The following C1QTNF1 variants were observed in gnomAD, a reference collection of about 807,000 sequenced individuals.
C1QTNF1 encodes C1q and TNF related 1.
In C1QTNF1, 22 loss-of-function variants were observed where a neutral mutation model predicts 27.8. The observed-to-expected ratio is 0.79, with a 90% confidence interval of 0.56 to 1.13. The LOEUF (loss-of-function observed/expected upper bound fraction) is 1.13. Among genes scored for constraint, C1QTNF1 ranks in the 50% most tolerant of loss-of-function variants. The probability of loss-of-function intolerance (pLI) is 0.00; values close to 1 mark genes in which losing one functional copy is unlikely to be tolerated. For missense variants in C1QTNF1, 373 were observed against 380.2 expected (o/e 0.98, Z 0.16); for synonymous variants, 166 against 154.3 (o/e 1.08, Z -0.56).
Position 79,047,649 on chromosome 17 carries a change from C to T in C1QTNF1, c.407C>T (p.Ala136Val). Residue 136 changes from alanine to valine, a missense_variant, in exon 4 of 4, where the codon GCC becomes GTC. Physicochemically the swap from Ala to Val is moderately conservative, Grantham distance 64. Transcript: ENST00000579760. ...GPKGQKGSMG[A>V]PGERCKSHYA... is the part of the protein sequence containing the mutation. ...AAAGGGCAGAAGGGCTCCATGGGGG[C>T]CCCTGGGGAGCGGTGCAAGAGCCAC... 6.2e-7 allele frequency: 1 copy of T among 1,608,958 alleles called. No individual in the cohort carries two copies. The highest frequency in any genetic ancestry group is 1.1e-5 in the South Asian group (1 of 90,632).
Position 79,037,185 on chromosome 17 carries a change from A to G in C1QTNF1, c.-14-6770A>G, listed in dbSNP as rs923923620. ...TCGCTCTGTCGCCAGGCTGGAGTGCAGTGGCATGATCTCGGCTTAGCACAA... is the reference window on the plus strand; with the variant it reads ...TCGCTCTGTCGCCAGGCTGGAGTGCGGTGGCATGATCTCGGCTTAGCACAA... On this transcript the variant is annotated intron_variant, in intron 1 of 3. Transcript: ENST00000579760. Among the ~76,000 whole-genome samples the G allele has an allele frequency of 7.9e-5, 12 of 152,252 alleles. 1 individual carries two copies. Among genetic ancestry groups the G allele is most frequent in the Admixed American group, 7.8e-4 (12 of 15,290 alleles).
chr17:79,030,483 C>T (rs866648198), intron 1 of C1QTNF1, among the ~76,000 whole-genome samples: 808 of 67,712 alleles, frequency 0.012, 8 homozygotes, highest in African/African-American at 0.024. Flanking sequence ...TTCTTTCTTT[C>T]TTTTTCTTTC....
intron 1 of C1QTNF1, among the ~76,000 whole-genome samples, chr17:79,030,461 TTC>T (rs2072096971): frequency 8.5e-6 from 1 of 117,454 alleles, no homozygotes; most frequent in South Asian, 2.8e-4. Context: ...TTTCTTTCTT[TTC>T]TTTCTTTCTT....
At position 79,046,874 on chromosome 17, in the gene C1QTNF1, T is replaced by A; in HGVS notation, c.295+180T>A. ...GCACAGGAAATTCTGATTTTGAGGC[T>A]CTGGCCCCTCTCCAAGAGGAGGGGT... On this transcript the variant is annotated intron_variant, in intron 3 of 3. Coordinates refer to ENST00000579760, the MANE Select transcript of C1QTNF1 (RefSeq NM_030968.5). This position sits in a 1 kb window ranked among gnomAD's most constrained non-coding sequence, Gnocchi z 4.8. 1.3e-6 allele frequency: 1 copy of A among 794,972 alleles called. No individual in the cohort carries two copies. Among genetic ancestry groups the A allele is most frequent in the South Asian group, 2.0e-5 (1 of 50,946 alleles). The allele number at this position is 794,972 out of a possible 1,614,324, so 49.2% of individuals were successfully genotyped here.
At chr17:79,027,082 G>T (rs561520263) in intron 1 of C1QTNF1, among the ~76,000 whole-genome samples, 5 of 60,048 alleles carry the variant, frequency 8.3e-5, no homozygotes, top group South Asian at 6.3e-4. Flanking sequence ...GTTCCTGGGC[G>T]GGGGGGGGCT....
chr17:79,038,959 G>C (rs1159413458), intron 1 of C1QTNF1, among the ~76,000 whole-genome samples: 6 of 152,162 alleles, frequency 3.9e-5, no homozygotes, highest in Admixed American at 3.9e-4. Flanking sequence ...GCAGGCTTTT[G>C]AGGAGAGCCA....
intron 1 of C1QTNF1, among the ~76,000 whole-genome samples, chr17:79,029,232 A>ACGGT: frequency 6.6e-6 from 1 of 152,180 alleles, no homozygotes; most frequent in Non-Finnish European, 1.5e-5. Context: ...GTGGGCGGGA[A>ACGGT]CGGTCGCTGC....
At chr17:79,035,681 T>C (rs1267040992) in intron 1 of C1QTNF1, among the ~76,000 whole-genome samples, 1 of 152,202 alleles carries the variant, frequency 6.6e-6, no homozygotes, top group East Asian at 1.9e-4. Flanking sequence ...TCTGCCCACC[T>C]CAGCCTCCCA....
rs746591312 is a variant in C1QTNF1 at position 79,044,071 on chromosome 17, C to G, written c.103C>G (p.Gln35Glu). ...TGTGCCCCATGTCCAGGGGGAACAG[C>G]AGGAGTGGGAGGGGACTGAGGAGCT... ...SRVPHVQGEQ[Q>E]EWEGTEELPS... The change falls in exon 2 of 4, where the codon CAG becomes GAG. Residue 35 changes from glutamine to glutamate, a missense_variant. Gln to Glu is a conservative substitution (Grantham distance 29). Coordinates refer to ENST00000579760, the MANE Select transcript of C1QTNF1 (RefSeq NM_030968.5). The G allele has an allele frequency of 1.9e-6, 3 of 1,613,838 alleles. No individual in the cohort carries two copies. Among genetic ancestry groups the G allele is most frequent in the Non-Finnish European group, 2.5e-6 (3 of 1,179,868 alleles).
intron 2 of C1QTNF1, among the ~76,000 whole-genome samples, chr17:79,045,855 G>C (rs190713840): frequency 4.9e-4 from 74 of 152,242 alleles, no homozygotes; most frequent in African/African-American, 1.7e-3. Context: ...TGGGCTTATG[G>C]GTAGCTGAAC....
intron 2 of C1QTNF1, among the ~76,000 whole-genome samples, chr17:79,044,774 C>T (rs1029591153): frequency 5.9e-5 from 9 of 152,214 alleles, no homozygotes; most frequent in African/African-American, 1.9e-4. Flanking sequence ...GGAGACCCGG[C>T]GACAGCTCAA....
At chr17:79,025,405 C>G (rs772185459) in intron 1 of C1QTNF1, among the ~76,000 whole-genome samples, 6 of 152,158 alleles carry the variant, frequency 3.9e-5, no homozygotes, top group East Asian at 1.9e-4. Context: ...AAGCCGCCCC[C>G]CTCTGTGAGG....
At chr17:79,035,360 G>A (rs997808109) in intron 1 of C1QTNF1, among the ~76,000 whole-genome samples, 4 of 152,082 alleles carry the variant, frequency 2.6e-5, no homozygotes, top group Non-Finnish European at 5.9e-5. Context: ...GGGATGGCAC[G>A]AAGGGGTGGT....
chr17:79,022,987 G>A (rs1392005305), upstream of C1QTNF1: 2 of 152,428 alleles, frequency 1.3e-5, no homozygotes, highest in African/African-American at 2.4e-5. Context: ...GGGCAAGGCA[G>A]TGGGCATTGT....
At chr17:79,043,046 G>C (rs2072456578) in intron 1 of C1QTNF1, among the ~76,000 whole-genome samples, 1 of 151,914 alleles carries the variant, frequency 6.6e-6, no homozygotes, top group Non-Finnish European at 1.5e-5. Flanking sequence ...ATGAATGTGT[G>C]TGCATGTGTG....
intron 2 of C1QTNF1, among the ~76,000 whole-genome samples, chr17:79,045,465 G>A (rs554249701): frequency 2.6e-5 from 4 of 152,324 alleles, no homozygotes; most frequent in African/African-American, 4.8e-5. Flanking sequence ...AGGATGAGCT[G>A]GTGCGGGGAG....
upstream of C1QTNF1, among the ~76,000 whole-genome samples, chr17:79,023,688 G>C (rs2071831544): frequency 7.1e-6 from 1 of 140,492 alleles, no homozygotes; most frequent in African/African-American, 2.7e-5. Context: ...ACCTTCCAAA[G>C]GTGATGCGCG....
chr17:79,029,366 C>T (rs1259642813), intron 1 of C1QTNF1, among the ~76,000 whole-genome samples: 1 of 152,180 alleles, frequency 6.6e-6, no homozygotes, highest in Non-Finnish European at 1.5e-5. Context: ...CAGCACCTCC[C>T]CACTGTGGAA....
chr17:79,043,570 A>G (rs1401638706), intron 1 of C1QTNF1: 6 of 433,836 alleles, frequency 1.4e-5, no homozygotes, highest in African/African-American at 6.2e-5. Flanking sequence ...TATTGTGTGT[A>G]CATGTGTGTG....
Sources: gnomAD v4.1 joint callset for allele counts (sites outside exome capture counted in the v4.1 genomes callset) on GRCh38, gnomAD v4.1.1 for gene constraint, Gnocchi (gnomAD v3.1) non-coding constraint, MANE v1.5 for transcripts, NCBI Gene and HGNC (gene_info 2026-07-23, HGNC 2026-07-21) for gene names.